The following NOL10 variants were observed in gnomAD, a reference collection of about 807,000 sequenced individuals.
NOL10 encodes the protein H_NH0074G24.1.
NOL10 carries 58 observed loss-of-function variants against 103.5 expected under a neutral mutation model. That is an observed-to-expected ratio of 0.56 (90% CI 0.45 to 0.70). NOL10 has a LOEUF of 0.70. Among genes scored for constraint, NOL10 ranks in the 30% least tolerant of loss-of-function variants. The probability of loss-of-function intolerance (pLI) is 0.00; values close to 1 mark genes in which losing one functional copy is unlikely to be tolerated. For missense variants in NOL10, 763 were observed against 807.3 expected, an observed-to-expected ratio of 0.95 and a Z score of 0.67; for synonymous variants, 287 against 282.5, an observed-to-expected ratio of 1.02 and a Z score of -0.16.
At chr2:10,621,996 C>G (rs1417538061) in intron 13 of NOL10, 1 of 447,924 alleles carries the variant, frequency 2.2e-6, no homozygotes, top group Non-Finnish European at 4.6e-6. Context: ...AAAATTCAGT[C>G]CCTTAGATGC....
At chr2:10,662,690 C>T (rs1680286772) in intron 9 of NOL10, among the ~76,000 whole-genome samples, 1 of 152,074 alleles carries the variant, frequency 6.6e-6, no homozygotes, top group Non-Finnish European at 1.5e-5. Flanking sequence ...CTAGATTCTA[C>T]AAAATTGGAA....
chr2:10,589,426 A>G (rs1675285274), intron 18 of NOL10, 136 bp from the exon 19 acceptor site: 3 of 1,298,960 alleles, frequency 2.3e-6, no homozygotes, highest in Non-Finnish European at 3.1e-6. Context: ...AAATGCCTTT[A>G]AATAAATAAG....
chr2:10,689,766 C>T, intron 1 of NOL10, 30 bp downstream of exon 1: 1 of 1,584,088 alleles, frequency 6.3e-7, no homozygotes, highest in South Asian at 1.2e-5. Context: ...CCCAAGAGCT[C>T]GAGAGTGAGG....
intron 13 of NOL10, among the ~76,000 whole-genome samples, chr2:10,636,036 C>T (rs1678185146): frequency 6.6e-6 from 1 of 152,084 alleles, no homozygotes; most frequent in Non-Finnish European, 1.5e-5. Flanking sequence ...CAGGCACGTG[C>T]CAAAGCATGC....
At chr2:10,683,937 T>C (rs1681961215) in intron 2 of NOL10, among the ~76,000 whole-genome samples, 2 of 151,810 alleles carry the variant, frequency 1.3e-5, no homozygotes, top group African/African-American at 2.4e-5. Context: ...TAAAATCAAA[T>C]CCCATACCCA....
intron 13 of NOL10, among the ~76,000 whole-genome samples, chr2:10,622,735 T>C (rs555777088): frequency 2.3e-4 from 35 of 152,224 alleles, no homozygotes; most frequent in South Asian, 1.7e-3. Flanking sequence ...GATTTTTTTT[T>C]CTCCAGAAAA....
At chr2:10,573,275 C>A (rs1200805298) in intron 20 of NOL10, among the ~76,000 whole-genome samples, 1 of 152,082 alleles carries the variant, frequency 6.6e-6, no homozygotes, top group Non-Finnish European at 1.5e-5. Flanking sequence ...CTCACTGCAA[C>A]CTCTGCCTCC....
At chr2:10,642,870 A>G (rs1678803629) in intron 13 of NOL10, among the ~76,000 whole-genome samples, 1 of 152,016 alleles carries the variant, frequency 6.6e-6, no homozygotes, top group Non-Finnish European at 1.5e-5. Flanking sequence ...CCACCACAGT[A>G]CCCTGGTAGC....
intron 3 of NOL10, among the ~76,000 whole-genome samples, chr2:10,680,027 C>G (rs554218262): frequency 6.6e-6 from 1 of 152,122 alleles, no homozygotes; most frequent in Non-Finnish European, 1.5e-5. Flanking sequence ...ATAATCCCAG[C>G]ACTTTGGAAG....
chr2:10,671,782 C>T, intron 5 of NOL10, 92 bp from the exon 6 acceptor site: 1 of 849,012 alleles, frequency 1.2e-6, no homozygotes, highest in Non-Finnish European at 1.8e-6. Flanking sequence ...AAGGAAAACC[C>T]TTACCTCTCT....
At chr2:10,675,311 G>A (rs4456672) in intron 4 of NOL10, among the ~76,000 whole-genome samples, 1 of 152,162 alleles carries the variant, frequency 6.6e-6, no homozygotes, top group African/African-American at 2.4e-5. Flanking sequence ...AATGCATGCA[G>A]CCTCTAGAAG....
At chr2:10,634,035 C>T (rs1259220787) in intron 13 of NOL10, among the ~76,000 whole-genome samples, 2 of 151,952 alleles carry the variant, frequency 1.3e-5, no homozygotes, top group Non-Finnish European at 2.9e-5. Flanking sequence ...ACTATGTTGC[C>T]CAGGCTGGTT....
chr2:10,582,119 G>GA (rs1244091813), intron 19 of NOL10, among the ~76,000 whole-genome samples: 1 of 152,198 alleles, frequency 6.6e-6, no homozygotes, highest in Non-Finnish European at 1.5e-5. Context: ...TTCCAGATTA[G>GA]ATTTTTAAAT....
intron 7 of NOL10, 71 bp downstream of exon 7, chr2:10,668,587 G>A (rs923558675): frequency 1.4e-6 from 1 of 739,794 alleles, no homozygotes; most frequent in South Asian, 2.1e-5. Flanking sequence ...TATGTTACTT[G>A]TTAACAAACT....
rs1644699291 is a variant in NOL10 at position 10,608,682 on chromosome 2, G to A, written c.1027-1371C>T. Among the ~76,000 whole-genome samples, 4 of 152,124 alleles carry A rather than the reference G, an allele frequency of 2.6e-5. No individual in the cohort carries two copies. The South Asian group carries it at 8.3e-4, about 32-fold the overall frequency. On this transcript the variant is annotated intron_variant, in intron 13 of 20. Coordinates refer to ENST00000381685, the MANE Select transcript of NOL10 (RefSeq NM_024894.4). ...TGAAGAAGGAAAGGCAGAAGGAAGA[G>A]AATTATAACAAAGAAAAACAGCCCC... is the stretch of plus-strand genomic sequence containing the variant.
chr2:10,607,172 A>T lies in NOL10; in HGVS notation c.1153+13T>A. On this transcript the variant is annotated intron_variant, in intron 14 of 20. Transcript: ENST00000381685. ...AGTAATTACATAATATTTCATCACA[A>T]TTTTTTTTTTACCTAAATTTTCAAG... 4.4e-6 allele frequency: 6 copies of T among 1,351,494 alleles called. No homozygotes were observed. Among genetic ancestry groups the T allele is most frequent in the Admixed American group, 4.6e-5 (2 of 43,926 alleles). 83.7% of individuals were successfully genotyped at this position (1,351,494 alleles called of 1,614,324 possible). A position where few individuals can be genotyped will look rare whatever the true frequency, so the allele number is the denominator to read the frequency against.
chr2:10,630,152 C>A (rs893683566), intron 13 of NOL10, among the ~76,000 whole-genome samples: 2 of 152,186 alleles, frequency 1.3e-5, no homozygotes, highest in African/African-American at 4.8e-5. Context: ...CTGTTCATTA[C>A]AAGAAATCAG....
At chr2:10,585,706 G>A (rs1216387053) in intron 19 of NOL10, among the ~76,000 whole-genome samples, 7 of 151,978 alleles carry the variant, frequency 4.6e-5, no homozygotes, top group African/African-American at 7.3e-5. Context: ...TGTATAAAAT[G>A]GTGTGGTTAT....
intron 13 of NOL10, among the ~76,000 whole-genome samples, chr2:10,618,121 C>G (rs552348333): frequency 6.6e-6 from 1 of 151,828 alleles, no homozygotes; most frequent in Non-Finnish European, 1.5e-5. Flanking sequence ...AAGCGATCCT[C>G]TCACCTCAGC....
Sources: allele counts gnomAD v4.1 joint callset (sites outside exome capture counted in the v4.1 genomes callset), GRCh38; gene constraint gnomAD v4.1.1; transcripts MANE v1.5; gene names NCBI Gene and HGNC (gene_info 2026-07-23, HGNC 2026-07-21).